AGAP1: variants seen among roughly 807,000 people sequenced by gnomAD.
AGAP1 encodes arf-GAP with GTPase, ANK repeat and PH domain-containing protein 1.
A neutral mutation model predicts 105.3 loss-of-function variants in AGAP1; 29 were observed. The ratio of observed to expected loss-of-function variants is 0.28; its 90% confidence interval spans 0.21 to 0.38. The LOEUF is 0.38. Ranked by LOEUF, AGAP1 falls within the 10% of genes least tolerant of loss-of-function variation. AGAP1 has a pLI of 1.00. For synonymous variants in AGAP1, 509 were observed against 485.9 expected, an observed-to-expected ratio of 1.05 and a Z score of -0.63; for missense variants, 998 against 1,165.1, an observed-to-expected ratio of 0.86 and a Z score of 2.09.
At chr2:236,026,955 C>T (rs999946663) in intron 13 of AGAP1, among the ~76,000 whole-genome samples, 6 of 152,136 alleles carry the variant, frequency 3.9e-5, no homozygotes, top group African/African-American at 1.2e-4. Flanking sequence ...AGGAAGAGTA[C>T]TGCCACTTTA....
intron 1 of AGAP1, among the ~76,000 whole-genome samples, chr2:235,606,400 G>A (rs761911257): frequency 3.3e-4 from 50 of 152,284 alleles, no homozygotes; most frequent in Admixed American, 1.8e-3. Flanking sequence ...TAGATTTGGG[G>A]GTTTGGGGAT....
chr2:235,631,885 A>G lies in AGAP1; in HGVS notation c.164-77294A>G, dbSNP rs771646995. 5.8e-4 allele frequency among the ~76,000 whole-genome samples: 88 copies of G among 152,202 alleles called. No homozygotes were observed. The highest frequency in any genetic ancestry group is 1.2e-3 in the Non-Finnish European group (79 of 68,034). On this transcript the variant is annotated intron_variant, in intron 1 of 17. Transcript: ENST00000304032. This position sits in a 1 kb window ranked among gnomAD's most constrained non-coding sequence, Gnocchi z 5.4. Reference sequence around the variant, plus strand: ...GAGGTGTTTTGTGGCAGCTTCTGGAAGGCCTGCCTTTGACCCTTCCTTTCT... The same window carrying G: ...GAGGTGTTTTGTGGCAGCTTCTGGAGGGCCTGCCTTTGACCCTTCCTTTCT...
chr2:235,549,771 C>G lies in AGAP1; in HGVS notation c.163+54922C>G, dbSNP rs1412253687. Among the ~76,000 whole-genome samples, 3 of 152,198 alleles carry G rather than the reference C, an allele frequency of 2.0e-5. No individual in the cohort carries two copies. Among genetic ancestry groups the G allele is most frequent in the South Asian group, 2.1e-4 (1 of 4,822 alleles). On this transcript the variant is annotated intron_variant, in intron 1 of 17. Transcript: ENST00000304032. This position sits in a 1 kb window ranked among gnomAD's most constrained non-coding sequence, Gnocchi z 4.2. The stretch of plus-strand genomic sequence containing the variant: ...TCTATATAGAACTGTTTACACCTCT[C>G]AGGATTCTTACTCTAACAAACAGGT...
intron 6 of AGAP1, among the ~76,000 whole-genome samples, chr2:235,764,047 C>G (rs57684894): frequency 4.8e-5 from 5 of 104,088 alleles, no homozygotes; most frequent in East Asian, 2.9e-4. Flanking sequence ...GTGCGTGGCT[C>G]CGGCCCGTGT....
chr2:235,593,811 A>G (rs1945428959), intron 1 of AGAP1, among the ~76,000 whole-genome samples: 1 of 152,082 alleles, frequency 6.6e-6, no homozygotes, highest in Non-Finnish European at 1.5e-5. Context: ...AAAACAAAAA[A>G]TACAAAAATT....
chr2:235,936,105 G>A lies in AGAP1; in HGVS notation c.1483+5182G>A, dbSNP rs1014362920. ...CTTCTGATAGCTCCACCCCATCCCC[G>A]ATTGCTTCAGTCCAACAGTTTATCT... is the stretch of plus-strand genomic sequence containing the variant. On this transcript the variant is annotated intron_variant, in intron 12 of 17. Coordinates refer to ENST00000304032, the MANE Select transcript of AGAP1 (RefSeq NM_001037131.3). This position sits in a 1 kb window ranked among gnomAD's most constrained non-coding sequence, Gnocchi z 4.7. 3.9e-5 allele frequency among the ~76,000 whole-genome samples: 6 copies of A among 152,166 alleles called. No homozygotes were observed. The highest frequency in any genetic ancestry group is 1.3e-4 in the Admixed American group (2 of 15,274).
chr2:235,681,073 A>G (rs139352742), intron 1 of AGAP1, among the ~76,000 whole-genome samples: 2,552 of 151,656 alleles, frequency 0.017, 80 homozygotes, highest in African/African-American at 0.059. Context: ...CAGTGGCGCC[A>G]TCTCGGCTCA....
intron 1 of AGAP1, among the ~76,000 whole-genome samples, chr2:235,547,949 G>C (rs1222440098): frequency 6.6e-6 from 1 of 152,234 alleles, no homozygotes; most frequent in East Asian, 1.9e-4. Flanking sequence ...TTCCACGCCT[G>C]TTTGTGTTTA....
At chr2:235,731,556 A>T (rs1951947420) in intron 3 of AGAP1, among the ~76,000 whole-genome samples, 1 of 152,222 alleles carries the variant, frequency 6.6e-6, no homozygotes, top group South Asian at 2.1e-4. Context: ...GAAGACAGGC[A>T]TCTCTCATGT....
At chr2:236,107,627 G>A (rs1419921391) in intron 16 of AGAP1, among the ~76,000 whole-genome samples, 1 of 152,182 alleles carries the variant, frequency 6.6e-6, no homozygotes, top group Non-Finnish European at 1.5e-5. Flanking sequence ...AAGGTTTGGG[G>A]ACAAGACTAA....
rs934033922 is a variant in AGAP1 at position 235,939,180 on chromosome 2, G to A, written c.1483+8257G>A. Reference sequence around the variant, plus strand: ...ATGATGCAGTGAGACAGGTCCCAGCGACTGTTTCCAGCCTTCTCCTCTGGC... The same window carrying A: ...ATGATGCAGTGAGACAGGTCCCAGCAACTGTTTCCAGCCTTCTCCTCTGGC... On this transcript the variant is annotated intron_variant, in intron 12 of 17. Transcript: ENST00000304032. Among the ~76,000 whole-genome samples the A allele has an allele frequency of 9.2e-5, 14 of 152,266 alleles. No individual in the cohort carries two copies. The South Asian group carries it at 1.0e-3, about 11-fold the overall frequency.
At position 236,036,725 on chromosome 2, in the gene AGAP1, C is replaced by A; in HGVS notation, c.1800+10C>A. On this transcript the variant is annotated intron_variant, in intron 14 of 17. Coordinates refer to ENST00000304032, the MANE Select transcript of AGAP1 (RefSeq NM_001037131.3). The surrounding 1 kb of genome is among the most constrained non-coding windows in gnomAD (Gnocchi z 5.7). ...GAGCAGCAAGAACAAGGTGAGGCCCCTGGCTGCCCAAAACCAAGGCTGGGG... is the reference window on the plus strand; with the variant it reads ...GAGCAGCAAGAACAAGGTGAGGCCCATGGCTGCCCAAAACCAAGGCTGGGG... 6.2e-7 allele frequency: 1 copy of A among 1,614,006 alleles called. No individual in the cohort carries two copies.
At chr2:235,922,387 A>G (rs2052225062) in intron 11 of AGAP1, among the ~76,000 whole-genome samples, 1 of 152,198 alleles carries the variant, frequency 6.6e-6, no homozygotes, top group African/African-American at 2.4e-5. Context: ...TTCTATGTAC[A>G]TGAAAGTTCC....
At chr2:235,913,187 CA>C (rs2051702225) in intron 11 of AGAP1, among the ~76,000 whole-genome samples, 1 of 151,972 alleles carries the variant, frequency 6.6e-6, no homozygotes, top group Non-Finnish European at 1.5e-5. Flanking sequence ...ATCTTGAAAC[CA>C]GATCACAGTT....
In AGAP1 at chr2:235,919,466, T is replaced by C. The variant is rs776277407; in HGVS notation, c.1324+10560T>C. 2.0e-5 allele frequency among the ~76,000 whole-genome samples: 3 copies of C among 152,164 alleles called. No individual in the cohort carries two copies. Among genetic ancestry groups the C allele is most frequent in the Non-Finnish European group, 4.4e-5 (3 of 68,034 alleles). ...CAGCAAACCTGTAAAACCCGCCTCATGTTATCAGACTTGTGAGCCCGGGGT... is the reference window on the plus strand; with the variant it reads ...CAGCAAACCTGTAAAACCCGCCTCACGTTATCAGACTTGTGAGCCCGGGGT... On this transcript the variant is annotated intron_variant, in intron 11 of 17. Coordinates refer to ENST00000304032, the MANE Select transcript of AGAP1 (RefSeq NM_001037131.3). This position sits in a 1 kb window ranked among gnomAD's most constrained non-coding sequence, Gnocchi z 4.1.
rs950169919 is a variant in AGAP1 at position 236,065,257 on chromosome 2, T to C, written c.2114+15976T>C. Among the ~76,000 whole-genome samples, 11 of 152,236 alleles carry C rather than the reference T, an allele frequency of 7.2e-5. 1 individual carries two copies. The highest frequency in any genetic ancestry group is 1.7e-4 in the African/African-American group (7 of 41,474). ...AAGCCAAGGGAAGTTCAATAACTTA[T>C]TCGCACACAGGGGCACGTCCATTGG... is the stretch of plus-strand genomic sequence containing the variant. On this transcript the variant is annotated intron_variant, in intron 16 of 17. Coordinates refer to ENST00000304032, the MANE Select transcript of AGAP1 (RefSeq NM_001037131.3).
rs1955263081 is a variant in AGAP1 at position 235,769,708 on chromosome 2, AACGAAAGCAGTG to A, written c.673+19223_673+19234del. ...AATCTCGGGGAGGCAGTGAAAAAAA[AACGAAAGCAGTG>A]ACTAAAGGGCATCTCCAGGTGCCGC... On this transcript the variant is annotated intron_variant, in intron 6 of 17. Coordinates refer to ENST00000304032, the MANE Select transcript of AGAP1 (RefSeq NM_001037131.3). The surrounding 1 kb of genome is among the most constrained non-coding windows in gnomAD (Gnocchi z 4.4). Among the ~76,000 whole-genome samples, 1 of 152,152 alleles carries A rather than the reference AACGAAAGCAGTG, an allele frequency of 6.6e-6. No homozygotes were observed. Among genetic ancestry groups the A allele is most frequent in the African/African-American group, 2.4e-5 (1 of 41,430 alleles).
rs562244366 is a variant in AGAP1 at position 235,559,451 on chromosome 2, G to T, written c.163+64602G>T. Among the ~76,000 whole-genome samples, 1 of 152,296 alleles carries T rather than the reference G, an allele frequency of 6.6e-6. No individual in the cohort carries two copies. The highest frequency in any genetic ancestry group is 1.5e-5 in the Non-Finnish European group (1 of 68,028). ...CAGTGATTGATTGACGTTAGTGTCG[G>T]TATCTCTCATTGCGAACATTCTTCT... On this transcript the variant is annotated intron_variant, in intron 1 of 17. Coordinates refer to ENST00000304032, the MANE Select transcript of AGAP1 (RefSeq NM_001037131.3). The surrounding 1 kb of genome is among the most constrained non-coding windows in gnomAD (Gnocchi z 5.7).
In AGAP1 at chr2:235,663,331, T is replaced by C. The variant is rs1197366914; in HGVS notation, c.164-45848T>C. ...TCTCAAAAAAAAAGAAGGGGAGCGA[T>C]CACGTGCATCCCTCTGCTGAGATGG... On this transcript the variant is annotated intron_variant, in intron 1 of 17. Transcript: ENST00000304032. This position sits in a 1 kb window ranked among gnomAD's most constrained non-coding sequence, Gnocchi z 5.4. 6.6e-6 allele frequency among the ~76,000 whole-genome samples: 1 copy of C among 152,088 alleles called. No homozygotes were observed. The highest frequency in any genetic ancestry group is 2.4e-5 in the African/African-American group (1 of 41,406).
Sources: gnomAD v4.1 joint callset for allele counts (sites outside exome capture counted in the v4.1 genomes callset) on GRCh38, gnomAD v4.1.1 for gene constraint, Gnocchi (gnomAD v3.1) non-coding constraint, MANE v1.5 for transcripts, NCBI Gene and HGNC (gene_info 2026-07-23, HGNC 2026-07-21) for gene names.